The following TNS3 variants were observed in gnomAD, a reference collection of about 807,000 sequenced individuals.
TNS3 encodes the protein tensin-3.
TNS3 carries 45 observed loss-of-function variants against 140.9 expected under a neutral mutation model. The ratio of observed to expected loss-of-function variants is 0.32; its 90% CI spans 0.25 to 0.41. The LOEUF is 0.41. Among genes scored for constraint, TNS3 ranks in the 10% least tolerant of loss-of-function variants. TNS3 has a pLI of 1.00. For missense variants in TNS3, 1,716 were observed against 1,906.7 expected (o/e 0.90, Z 1.86); for synonymous variants, 815 against 788.4 (o/e 1.03, Z -0.56).
At chr7:47,491,811 C>T (rs916385034) in intron 3 of TNS3, among the ~76,000 whole-genome samples, 3 of 152,070 alleles carry the variant, frequency 2.0e-5, no homozygotes, top group African/African-American at 7.2e-5. Context: ...CTGAGTGGGA[C>T]GGTGAAACCC....
intron 4 of TNS3, among the ~76,000 whole-genome samples, chr7:47,474,794 C>CT (rs1223278053): frequency 3.4e-5 from 5 of 146,852 alleles, no homozygotes; most frequent in Non-Finnish European, 6.0e-5. Flanking sequence ...ACACAACACA[C>CT]AAAGCACAAC....
intron 20 of TNS3, among the ~76,000 whole-genome samples, chr7:47,335,160 G>A (rs1331233461): frequency 6.6e-6 from 1 of 152,196 alleles, no homozygotes; most frequent in Non-Finnish European, 1.5e-5. Context: ...AGAAGCCTAA[G>A]GATACTGTCC....
chr7:47,480,991 G>T, intron 4 of TNS3, 112 bp downstream of exon 4: 2 of 726,876 alleles, frequency 2.8e-6, no homozygotes, highest in Non-Finnish European at 4.1e-6. Context: ...TCAAAGGGAG[G>T]GCATGGATCC....
chr7:47,547,614 G>A (rs573657238), intron 1 of TNS3, among the ~76,000 whole-genome samples: 27 of 152,140 alleles, frequency 1.8e-4, no homozygotes, highest in Admixed American at 3.9e-4. Context: ...CCCTGCATGA[G>A]GTAGGGAAGA....
chr7:47,414,752 T>C (rs540478483), intron 11 of TNS3, among the ~76,000 whole-genome samples: 32 of 152,314 alleles, frequency 2.1e-4, no homozygotes, highest in African/African-American at 7.2e-4. Flanking sequence ...ACTGGGCTTC[T>C]TCCATGGCTT....
At chr7:47,498,832 C>A (rs1798109995) in intron 3 of TNS3, among the ~76,000 whole-genome samples, 1 of 152,222 alleles carries the variant, frequency 6.6e-6, no homozygotes, top group Admixed American at 6.5e-5. Context: ...AACTCAGTGA[C>A]TTCCCAGCCT....
At chr7:47,361,800 C>T (rs540315791) in intron 17 of TNS3, among the ~76,000 whole-genome samples, 80 of 152,180 alleles carry the variant, frequency 5.3e-4, no homozygotes, top group Admixed American at 9.2e-4. Flanking sequence ...GTGGGAATGC[C>T]ACAGCACTAT....
chr7:47,567,030 C>CAAAAAAAAAAAAA (rs541987899), intron 1 of TNS3, among the ~76,000 whole-genome samples: 2 of 98,758 alleles, frequency 2.0e-5, no homozygotes, highest in Non-Finnish European at 2.0e-5. Context: ...GACTCCATCT[C>CAAAAAAAAAAAAA]AAAAAAAAAA....
intron 16 of TNS3, among the ~76,000 whole-genome samples, chr7:47,395,160 C>T (rs184890051): frequency 6.6e-6 from 1 of 152,340 alleles, no homozygotes; most frequent in African/African-American, 2.4e-5. Context: ...TTCCACAACT[C>T]GCCTCCCTGT....
rs115371050 is a variant in TNS3, at chr7:47,377,051, C to G, written c.1025-7430G>C. On this transcript the variant is annotated intron_variant, in intron 16 of 30. Transcript: ENST00000311160. ...CCAGAGGTCCTGCCTGTGCCTGGACCACCACAGGGAACAGGTAGCTTCTCC... is the reference window on the plus strand; with the variant it reads ...CCAGAGGTCCTGCCTGTGCCTGGACGACCACAGGGAACAGGTAGCTTCTCC... Among the ~76,000 whole-genome samples, 560 of 152,260 alleles carry G rather than the reference C, an allele frequency of 3.7e-3. 7 individuals are homozygous for G. The highest frequency in any genetic ancestry group is 0.012 in the African/African-American group (515 of 41,544).
chr7:47,413,914 G>A, intron 12 of TNS3, 23 bp downstream of exon 12: 1 of 1,610,946 alleles, frequency 6.2e-7, no homozygotes, highest in Middle Eastern at 1.7e-4. Context: ...CACAACAGCA[G>A]CAGCAGCAGC....
chr7:47,396,795 C>T lies in TNS3; in HGVS notation c.1024+5G>A. 5.0e-6 allele frequency: 8 copies of T among 1,609,676 alleles called. No homozygotes were observed. Among genetic ancestry groups the T allele is most frequent in the East Asian group, 2.2e-5 (1 of 44,866 alleles). ...CATAACTGCACACAAGATGAACACA[C>T]GCACCTTCTCCATCTGCACTGAGGT... On this transcript the variant is annotated splice_donor_5th_base_variant and intron_variant, in intron 16 of 30. Transcript: ENST00000311160.
intron 2 of TNS3, among the ~76,000 whole-genome samples, chr7:47,523,465 A>T (rs1170128838): frequency 6.6e-6 from 1 of 152,238 alleles, no homozygotes; most frequent in Non-Finnish European, 1.5e-5. Context: ...CAAGGGCACA[A>T]CACTCACCAC....
intron 30 of TNS3, chr7:47,279,399 T>C (rs1328497810): frequency 1.3e-5 from 2 of 152,208 alleles, no homozygotes; most frequent in Non-Finnish European, 1.5e-5. Flanking sequence ...GGGAAAGGTG[T>C]GCTTATAAAA....
chr7:47,540,400 T>C (rs895071124), intron 1 of TNS3, among the ~76,000 whole-genome samples: 2 of 152,158 alleles, frequency 1.3e-5, no homozygotes, highest in Non-Finnish European at 2.9e-5. Context: ...ACTAGGGACA[T>C]GAGCCCCTCC....
intron 10 of TNS3, among the ~76,000 whole-genome samples, chr7:47,421,077 A>G (rs1335224811): frequency 1.3e-5 from 2 of 152,178 alleles, no homozygotes; most frequent in Non-Finnish European, 1.5e-5. Context: ...AGGAGAGATC[A>G]GCTCCCCAAA....
intron 10 of TNS3, among the ~76,000 whole-genome samples, chr7:47,420,130 G>T (rs1301012209): frequency 6.6e-6 from 1 of 152,170 alleles, no homozygotes; most frequent in African/African-American, 2.4e-5. Flanking sequence ...TACTCTCCTT[G>T]TATCTTTAAA....
Position 47,303,206 on chromosome 7 carries a change from G to C in TNS3, c.3201C>G (p.Ser1067=). 6.2e-7 allele frequency: 1 copy of C among 1,613,680 alleles called. No homozygotes were observed. Among genetic ancestry groups the C allele is most frequent in the Non-Finnish European group, 8.5e-7 (1 of 1,180,028 alleles). ...ATGAADNGFL[S]HNFLTVAPGH... ...CAGGCGCCACCGTGAGAAAGTTGTG[G>C]GACAGGAAGCCATTGTCGGCAGCCC... Residue 1067 remains serine, a synonymous_variant, in exon 22 of 31, where the codon TCC becomes TCG. Transcript: ENST00000311160.
intron 8 of TNS3, 78 bp from the exon 9 acceptor site, chr7:47,428,454 T>A: frequency 9.1e-7 from 1 of 1,100,630 alleles, no homozygotes; most frequent in Non-Finnish European, 1.2e-6. Flanking sequence ...AAAGACTCAC[T>A]AGTGGACAAA....
Sources: gnomAD v4.1 joint callset for allele counts (sites outside exome capture counted in the v4.1 genomes callset) on GRCh38, gnomAD v4.1.1 for gene constraint, MANE v1.5 for transcripts, NCBI Gene and HGNC (gene_info 2026-07-23, HGNC 2026-07-21) for gene names.